CSMD1: variants seen among roughly 807,000 people sequenced by gnomAD.
CSMD1 encodes CUB and Sushi multiple domains 1, also known as CUB and sushi domain-containing protein 1.
A neutral mutation model predicts 417.5 loss-of-function variants in CSMD1; 213 were observed. The ratio of observed to expected loss-of-function variants is 0.51; its 90% confidence interval spans 0.46 to 0.57. CSMD1 has a LOEUF of 0.57. CSMD1 is among the 20% of genes least tolerant of loss of function. CSMD1 has a pLI of 0.00. For synonymous variants in CSMD1, 2,862 were observed against 1,736.8 expected, an observed-to-expected ratio of 1.65 and a Z score of -16.11; for missense variants, 6,923 against 4,529.7, an observed-to-expected ratio of 1.53 and a Z score of -15.17.
intron 10 of CSMD1, among the ~76,000 whole-genome samples, chr8:3,526,549 CAG>C (rs1438751202): frequency 2.6e-5 from 4 of 152,166 alleles, no homozygotes; most frequent in African/African-American, 9.7e-5. Flanking sequence ...GGAACGGCCC[CAG>C]AGTGTCACTA....
intron 5 of CSMD1, among the ~76,000 whole-genome samples, chr8:3,891,455 GA>G (rs1431075841): frequency 2.0e-5 from 3 of 152,092 alleles, no homozygotes; most frequent in Non-Finnish European, 4.4e-5. Context: ...CAAGGTGGCA[GA>G]ATTTCCTGTA....
At chr8:4,664,391 G>T (rs1804787914) in intron 1 of CSMD1, among the ~76,000 whole-genome samples, 1 of 152,014 alleles carries the variant, frequency 6.6e-6, no homozygotes, top group Non-Finnish European at 1.5e-5. Flanking sequence ...GAAACCCCAT[G>T]TCTACAGTAG....
chr8:4,635,382 T>C (rs1490710768), intron 2 of CSMD1, among the ~76,000 whole-genome samples: 1 of 152,120 alleles, frequency 6.6e-6, no homozygotes, highest in Non-Finnish European at 1.5e-5. Flanking sequence ...TGTTTTATAT[T>C]TATTAATATA....
chr8:4,382,265 G>T (rs778035438), intron 3 of CSMD1, among the ~76,000 whole-genome samples: 2 of 152,172 alleles, frequency 1.3e-5, no homozygotes, highest in Non-Finnish European at 2.9e-5. Context: ...TCATTGACCT[G>T]ACAGCACTGG....
intron 3 of CSMD1, among the ~76,000 whole-genome samples, chr8:4,047,628 T>C (rs1013838373): frequency 2.0e-5 from 3 of 152,136 alleles, no homozygotes; most frequent in East Asian, 1.9e-4. Flanking sequence ...GCACTAGGAA[T>C]GCAATATCGC....
At chr8:3,878,023 G>A (rs959328166) in intron 5 of CSMD1, among the ~76,000 whole-genome samples, 10 of 151,704 alleles carry the variant, frequency 6.6e-5, no homozygotes, top group Admixed American at 6.6e-4. Context: ...AAGATAAAAT[G>A]ATTTATTAGT....
intron 52 of CSMD1, among the ~76,000 whole-genome samples, chr8:3,011,596 C>T (rs1046955839): frequency 6.6e-6 from 1 of 151,924 alleles, no homozygotes; most frequent in African/African-American, 2.4e-5. Flanking sequence ...TATAATAGCG[C>T]AATAAATGCA....
At chr8:3,242,819 G>A (rs62504978) in intron 26 of CSMD1, among the ~76,000 whole-genome samples, 2 of 75,512 alleles carry the variant, frequency 2.6e-5, no homozygotes, top group Admixed American at 1.5e-4. Flanking sequence ...CAGAAATAAG[G>A]GGTTGGGGCG....
At chr8:4,642,187 G>A (rs553753013) in intron 1 of CSMD1, among the ~76,000 whole-genome samples, 11 of 152,248 alleles carry the variant, frequency 7.2e-5, no homozygotes, top group African/African-American at 1.9e-4. Context: ...TCGGGGCCCC[G>A]GTGAGCCATG....
At chr8:4,277,686 G>T (rs150211463) in intron 3 of CSMD1, among the ~76,000 whole-genome samples, 65 of 152,208 alleles carry the variant, frequency 4.3e-4, no homozygotes, top group African/African-American at 1.5e-3. Flanking sequence ...ACAAGCGACA[G>T]AATTTAAGAA....
At chr8:4,418,482 A>AT (rs1208383271) in intron 3 of CSMD1, among the ~76,000 whole-genome samples, 1 of 152,178 alleles carries the variant, frequency 6.6e-6, no homozygotes, top group Non-Finnish European at 1.5e-5. Context: ...GGAATCTAAC[A>AT]AGACCACCTT....
At chr8:4,455,721 A>C (rs1799426401) in intron 2 of CSMD1, among the ~76,000 whole-genome samples, 1 of 151,868 alleles carries the variant, frequency 6.6e-6, no homozygotes, top group Non-Finnish European at 1.5e-5. Flanking sequence ...ACCTGAGGTC[A>C]GGAGTTCAAG....
At chr8:3,307,549 C>T in intron 25 of CSMD1, 146 bp downstream of exon 25, 1 of 922,470 alleles carries the variant, frequency 1.1e-6, no homozygotes, top group Non-Finnish European at 1.6e-6. Flanking sequence ...GCAAGTGAGC[C>T]AACAAAACTT....
intron 3 of CSMD1, among the ~76,000 whole-genome samples, chr8:4,049,288 C>T (rs775303094): frequency 1.3e-5 from 2 of 151,978 alleles, no homozygotes; most frequent in African/African-American, 2.4e-5. Flanking sequence ...TGGAGATTGT[C>T]TGGCTGTAGG....
intron 2 of CSMD1, among the ~76,000 whole-genome samples, chr8:4,471,095 G>A (rs58593589): frequency 4.5e-4 from 69 of 152,136 alleles, no homozygotes; most frequent in African/African-American, 1.1e-3. Context: ...TATTTGTTTT[G>A]TATTTGTGTG....
At chr8:3,843,116 G>A (rs907573434) in intron 5 of CSMD1, among the ~76,000 whole-genome samples, 2 of 152,080 alleles carry the variant, frequency 1.3e-5, no homozygotes, top group African/African-American at 2.4e-5. Flanking sequence ...TAGAGAGTTT[G>A]AATAAATGAT....
At chr8:4,546,238 A>C (rs1477187381) in intron 2 of CSMD1, among the ~76,000 whole-genome samples, 1 of 152,062 alleles carries the variant, frequency 6.6e-6, no homozygotes, top group Non-Finnish European at 1.5e-5. Flanking sequence ...CCCTGCTCCC[A>C]CCACTTCTTT....
chr8:4,607,952 T>G (rs1382251), intron 2 of CSMD1, among the ~76,000 whole-genome samples: 2 of 151,940 alleles, frequency 1.3e-5, no homozygotes, highest in Admixed American at 6.6e-5. Context: ...ATCTGGCGAC[T>G]TTCCCCAGCC....
At chr8:3,247,038 T>C (rs912256942) in intron 26 of CSMD1, among the ~76,000 whole-genome samples, 2 of 152,184 alleles carry the variant, frequency 1.3e-5, no homozygotes, top group South Asian at 4.1e-4. Context: ...CATTTTTGTA[T>C]TGGTGTAAGT....
Sources: gnomAD v4.1 joint callset for allele counts (sites outside exome capture counted in the v4.1 genomes callset) on GRCh38, gnomAD v4.1.1 for gene constraint, MANE v1.5 for transcripts, NCBI Gene and HGNC (gene_info 2026-07-23, HGNC 2026-07-21) for gene names.